The following PUM1 variants were observed in gnomAD, a reference collection of about 807,000 sequenced individuals.
The protein encoded by PUM1 is pumilio homolog 1.
PUM1 carries 13 observed loss-of-function variants against 131.8 expected under a neutral mutation model. That is an observed-to-expected ratio of 0.10 (90% CI 0.06 to 0.16). PUM1 has a LOEUF of 0.16. Among genes scored for constraint, PUM1 ranks in the 10% least tolerant of loss-of-function variants. The pLI, the probability that PUM1 is intolerant of heterozygous loss-of-function variation, is 1.00. For missense variants in PUM1, 961 were observed against 1,512.4 expected (o/e 0.64, Z 6.05); for synonymous variants, 509 against 556.5 (o/e 0.91, Z 1.20).
chr1:30,995,327 T>C (rs1641941810), intron 5 of PUM1, 107 bp from the exon 6 acceptor site: 1 of 1,219,166 alleles, frequency 8.2e-7, no homozygotes, highest in Non-Finnish European at 1.2e-6. Context: ...GAGGATAGTG[T>C]TGTGCCCTTT....
At chr1:30,941,955 A>G (rs750010624) in intron 19 of PUM1, 43 bp downstream of exon 19, 6 of 1,494,900 alleles carry the variant, frequency 4.0e-6, no homozygotes. Context: ...GCCCTGCACA[A>G]GCCCACAGGT....
intron 9 of PUM1, among the ~76,000 whole-genome samples, chr1:30,976,585 C>T (rs572011304): frequency 2.2e-4 from 33 of 152,116 alleles, no homozygotes; most frequent in Non-Finnish European, 4.6e-4. Flanking sequence ...CAAATTGTAC[C>T]ACTGCCCAAT....
intron 5 of PUM1, among the ~76,000 whole-genome samples, chr1:30,998,467 A>G (rs1346966116): frequency 3.5e-5 from 5 of 141,020 alleles, no homozygotes; most frequent in Non-Finnish European, 6.0e-5. Context: ...AGGAGACGCC[A>G]TCTCTAAAAA....
chr1:31,065,454 A>T (rs1178000443), intron 1 of PUM1, among the ~76,000 whole-genome samples, 162 bp downstream of exon 1: 1 of 150,380 alleles, frequency 6.6e-6, no homozygotes, highest in African/African-American at 2.5e-5. Flanking sequence ...ACTCCAAAAC[A>T]TGTACGAGGA....
chr1:30,948,566 C>T (rs1041390560), intron 17 of PUM1, among the ~76,000 whole-genome samples: 3 of 152,202 alleles, frequency 2.0e-5, no homozygotes, highest in South Asian at 2.1e-4. Flanking sequence ...GCCTGGGCAA[C>T]GTGGTGAAAC....
Position 30,974,787 on chromosome 1 carries a change from G to T in PUM1, c.1370C>A (p.Pro457His), listed in dbSNP as rs1305518227. 4 of 1,611,254 alleles carry T rather than the reference G, an allele frequency of 2.5e-6. No homozygotes were observed. The highest frequency in any genetic ancestry group is 3.4e-6 in the Non-Finnish European group (4 of 1,178,818). Residue 457 changes from proline (P) to histidine (H), a missense_variant, in exon 10 of 22, where the codon CCT becomes CAT. This residue lies in a region of PUM1 where 654 missense variants were observed against 923.9 expected (regional missense o/e 0.71). Transcript: ENST00000426105. ...AAATLGPAVV[P>H]HQYYGVTPWG... ...GGGAGTAACTCCATAATACTGGTGA[G>T]GGACCACAGCTGGGCCTAAAAATAG...
intron 2 of PUM1, 136 bp downstream of exon 2, chr1:31,059,068 C>T (rs1023810187): frequency 5.3e-5 from 56 of 1,047,946 alleles, no homozygotes; most frequent in Non-Finnish European, 7.3e-5. Context: ...AATGATCAAC[C>T]TTTATAACAA....
chr1:30,964,963 C>A, intron 13 of PUM1, 53 bp from the exon 14 acceptor site: 1 of 1,468,038 alleles, frequency 6.8e-7, no homozygotes, highest in Non-Finnish European at 9.5e-7. Flanking sequence ...CTTCGAAGAA[C>A]AAGCCCAGTG....
intron 7 of PUM1, among the ~76,000 whole-genome samples, chr1:30,984,686 T>C (rs573568501): frequency 8.1e-4 from 124 of 152,306 alleles, no homozygotes; most frequent in Non-Finnish European, 1.5e-3. Flanking sequence ...TGTCACTTAC[T>C]ATATTAAAAA....
chr1:30,951,955 A>G (rs970260433), intron 16 of PUM1, among the ~76,000 whole-genome samples: 7 of 152,248 alleles, frequency 4.6e-5, no homozygotes, highest in Admixed American at 2.6e-4. Flanking sequence ...TGAAACTATT[A>G]TAACAATCTG....
At chr1:30,984,755 G>C (rs1352631880) in intron 7 of PUM1, among the ~76,000 whole-genome samples, 1 of 152,142 alleles carries the variant, frequency 6.6e-6, no homozygotes, top group African/African-American at 2.4e-5. Flanking sequence ...ACCCAATATA[G>C]TGACTGACAT....
intron 2 of PUM1, among the ~76,000 whole-genome samples, chr1:31,056,472 G>A (rs1030405911): frequency 1.3e-5 from 2 of 151,614 alleles, no homozygotes; most frequent in Non-Finnish European, 2.9e-5. Flanking sequence ...TAGTAGAGAC[G>A]GGGTTTCACC....
intron 1 of PUM1, among the ~76,000 whole-genome samples, chr1:31,060,513 C>T (rs913546654): frequency 2.6e-5 from 4 of 152,012 alleles, no homozygotes; most frequent in Non-Finnish European, 5.9e-5. Flanking sequence ...CAGACATATG[C>T]TAATAACTAA....
At chr1:30,934,556 C>A (rs1347276768) in intron 21 of PUM1, among the ~76,000 whole-genome samples, 1 of 152,176 alleles carries the variant, frequency 6.6e-6, no homozygotes, top group Non-Finnish European at 1.5e-5. Flanking sequence ...GGGAAACTGG[C>A]TGGTGGCAAA....
chr1:30,968,332 A>T (rs1557560243), intron 11 of PUM1, 22 bp downstream of exon 11: 1 of 1,586,692 alleles, frequency 6.3e-7, no homozygotes, highest in Non-Finnish European at 8.6e-7. Flanking sequence ...CCAAAGTATT[A>T]GGAATAACAA....
intron 3 of PUM1, among the ~76,000 whole-genome samples, chr1:31,014,550 G>A (rs1387169904): frequency 1.3e-5 from 2 of 151,954 alleles, no homozygotes; most frequent in South Asian, 2.1e-4. Context: ...CACTTTGGGA[G>A]GCTGAGGCGG....
intron 21 of PUM1, chr1:30,935,869 T>TG (rs2124376452): frequency 3.0e-6 from 1 of 337,156 alleles, no homozygotes; most frequent in African/African-American, 2.5e-5. Flanking sequence ...CTGGAGGCAC[T>TG]GCCCAGCACA....
intron 3 of PUM1, among the ~76,000 whole-genome samples, chr1:31,027,087 A>G (rs1186692787): frequency 6.6e-6 from 1 of 152,220 alleles, no homozygotes; most frequent in African/African-American, 2.4e-5. Flanking sequence ...TTCAGTGATT[A>G]TAAACTGTTG....
At chr1:30,946,630 CTG>C (rs1031267430) in intron 17 of PUM1, among the ~76,000 whole-genome samples, 3 of 90,086 alleles carry the variant, frequency 3.3e-5, no homozygotes, top group Non-Finnish European at 6.0e-5. Flanking sequence ...GAGCGAGACT[CTG>C]TCTCAAAAAA....
Sources: gnomAD v4.1 joint callset for allele counts (sites outside exome capture counted in the v4.1 genomes callset) on GRCh38, gnomAD v4.1.1 for gene constraint, gnomAD v4.1.1 regional missense constraint, MANE v1.5 for transcripts, NCBI Gene and HGNC (gene_info 2026-07-23, HGNC 2026-07-21) for gene names.